Variants in ARHGAP40 observed in about 807,000 individuals in gnomAD.
ARHGAP40 encodes Rho GTPase activating protein 40.
Under a neutral mutation model 73.5 loss-of-function variants are expected in ARHGAP40, and 43 were observed. The ratio of observed to expected loss-of-function variants is 0.58; its 90% CI spans 0.46 to 0.75. The LOEUF is 0.75. Among genes scored for constraint, ARHGAP40 ranks in the 30% least tolerant of loss-of-function variants. The pLI is 0.00. For missense variants in ARHGAP40, 734 were observed against 861.8 expected (o/e 0.85, Z 1.86); for synonymous variants, 300 against 352.8 (o/e 0.85, Z 1.68).
chr20:38,633,626 C>T (rs934651741), intron 5 of ARHGAP40, among the ~76,000 whole-genome samples: 2 of 152,204 alleles, frequency 1.3e-5, no homozygotes, highest in South Asian at 2.1e-4. Context: ...ATGCCGCAAG[C>T]ACTAGGCTGT....
At chr20:38,624,831 A>C (rs773599305) in intron 2 of ARHGAP40, among the ~76,000 whole-genome samples, 5 of 152,196 alleles carry the variant, frequency 3.3e-5, no homozygotes, top group Non-Finnish European at 7.3e-5. Flanking sequence ...TCGTTGCTGC[A>C]GCAATGATCA....
chr20:38,618,796 C>T (rs1256678975), intron 1 of ARHGAP40, among the ~76,000 whole-genome samples: 1 of 152,168 alleles, frequency 6.6e-6, no homozygotes, highest in Non-Finnish European at 1.5e-5. Context: ...GTGGGATCAG[C>T]TTGGTCACTA....
exon 13 of ARHGAP40, chr20:38,647,077 G>C (rs1156870912): frequency 3.1e-6 from 4 of 1,305,216 alleles, no homozygotes; most frequent in Non-Finnish European, 3.0e-6. Flanking sequence ...CCTCAGCCCT[G>C]GTTCCAAGGG....
chr20:38,629,099 C>G, intron 4 of ARHGAP40, 97 bp downstream of exon 4: 1 of 1,009,664 alleles, frequency 9.9e-7, no homozygotes, highest in Non-Finnish European at 1.3e-6. Flanking sequence ...CCCAGCATTT[C>G]CTGCTTCCTG....
At chr20:38,627,312 G>A (rs1235285072) in intron 3 of ARHGAP40, 97 bp downstream of exon 3, 2 of 1,132,790 alleles carry the variant, frequency 1.8e-6, no homozygotes, top group African/African-American at 1.6e-5. Flanking sequence ...GAAGGGCTGT[G>A]TTGGTGTGTG....
intron 5 of ARHGAP40, among the ~76,000 whole-genome samples, chr20:38,632,677 A>T (rs1230470775): frequency 6.6e-6 from 1 of 152,164 alleles, no homozygotes; most frequent in Non-Finnish European, 1.5e-5. Flanking sequence ...TGATGATAAT[A>T]ATTAATCACG....
chr20:38,646,921 T>A lies in ARHGAP40; in HGVS notation c.1711-36T>A. 6 of 1,286,490 alleles carry A rather than the reference T, an allele frequency of 4.7e-6. No homozygotes were observed. In the South Asian group the frequency reaches 7.6e-5, roughly 16 times the overall value. The allele number at this position is 1,286,490 out of a possible 1,614,324, so 79.7% of individuals were successfully genotyped here. On this transcript the variant is annotated intron_variant, in intron 12 of 14. Coordinates refer to ENST00000373345, the Ensembl canonical transcript of ARHGAP40. The surrounding 1 kb of genome is among the most constrained non-coding windows in gnomAD (Gnocchi z 4.5). ...GTTGGAACTCCAGGCAAGCTGACTC[T>A]TATGTATATGGATCTTTCTCTCTCT...
At chr20:38,608,497 T>C (rs1283759034) in intron 1 of ARHGAP40, among the ~76,000 whole-genome samples, 2 of 152,180 alleles carry the variant, frequency 1.3e-5, no homozygotes, top group Admixed American at 6.5e-5. Context: ...GAGTACTTAC[T>C]ATGGGCTGAA....
intron 1 of ARHGAP40, among the ~76,000 whole-genome samples, chr20:38,607,478 G>T (rs1569006515): frequency 6.6e-6 from 1 of 152,132 alleles, no homozygotes; most frequent in Non-Finnish European, 1.5e-5. Flanking sequence ...CAGCAGGAGG[G>T]GCCTCCTCAG....
intron 5 of ARHGAP40, among the ~76,000 whole-genome samples, chr20:38,630,562 C>T (rs1461273504): frequency 1.3e-5 from 2 of 152,078 alleles, no homozygotes; most frequent in Non-Finnish European, 2.9e-5. Flanking sequence ...AGCATAGTTC[C>T]TTCCAAATAG....
At chr20:38,629,634 G>A (rs1428511942) in exon 5 of ARHGAP40, 1 of 1,305,416 alleles carries the variant, frequency 7.7e-7, no homozygotes, top group Admixed American at 2.3e-5. Context: ...TCTGCCTGGG[G>A]CAAGTGTTCC....
chr20:38,627,117 G>A, exon 3 of ARHGAP40: 1 of 1,305,436 alleles, frequency 7.7e-7, no homozygotes, highest in African/African-American at 1.5e-5. Context: ...GGTGGCCGCT[G>A]TGTGCCGCCG....
At chr20:38,602,235 G>T (rs568305170) in intron 1 of ARHGAP40, among the ~76,000 whole-genome samples, 156 bp downstream of exon 1, 120 of 152,356 alleles carry the variant, frequency 7.9e-4, no homozygotes, top group Middle Eastern at 3.4e-3. Flanking sequence ...TGGCTGTCAA[G>T]TGGTGGAGAT....
chr20:38,642,999 G>C (rs1376620218), intron 10 of ARHGAP40, among the ~76,000 whole-genome samples: 1 of 151,952 alleles, frequency 6.6e-6, no homozygotes. Context: ...AAATTAGCTG[G>C]GTGTGATGGT....
In ARHGAP40 at chr20:38,627,361, G is replaced by GGTGTGTGTGTT. The variant is rs1189664344; in HGVS notation, c.558+150_558+151insGTGTGTTGTGT. ...GTGTGTGGGTGTTGGTATGTGTGTT[G>GGTGTGTGTGTT]GTGTCTGTGTGTTGGTGTGTGTGTT... is the stretch of plus-strand genomic sequence containing the variant. On this transcript the variant is annotated intron_variant, in intron 3 of 14. Coordinates refer to ENST00000373345, the Ensembl canonical transcript of ARHGAP40. The GGTGTGTGTGTT allele has an allele frequency of 1.4e-5, 10 of 718,476 alleles. No homozygotes were observed. The African/African-American group carries it at 1.9e-4, about 13-fold the overall frequency. 44.5% of individuals were successfully genotyped at this position (718,476 alleles called of 1,614,324 possible).
chr20:38,604,221 T>C (rs544605918), intron 1 of ARHGAP40, among the ~76,000 whole-genome samples: 94 of 152,348 alleles, frequency 6.2e-4, no homozygotes, highest in African/African-American at 2.2e-3. Context: ...CTTGTGATCT[T>C]TGAGGCAATT....
At chr20:38,628,166 G>C (rs2088914368) in intron 3 of ARHGAP40, among the ~76,000 whole-genome samples, 1 of 152,192 alleles carries the variant, frequency 6.6e-6, no homozygotes, top group Non-Finnish European at 1.5e-5. Flanking sequence ...GAAATGTCTA[G>C]AAAAGGGGCA....
chr20:38,643,038 G>A (rs2089028803), intron 10 of ARHGAP40, among the ~76,000 whole-genome samples: 1 of 152,096 alleles, frequency 6.6e-6, no homozygotes, highest in African/African-American at 2.4e-5. Context: ...CTACTTGGGA[G>A]GCTGAGGTGG....
At chr20:38,649,769 T>G in exon 15 of ARHGAP40, 1 of 1,305,176 alleles carries the variant, frequency 7.7e-7, no homozygotes, top group South Asian at 1.2e-5. Context: ...GAGCATCGCC[T>G]GGACCCAGAT....
Sources: gnomAD v4.1 joint callset for allele counts (sites outside exome capture counted in the v4.1 genomes callset) on GRCh38, gnomAD v4.1.1 for gene constraint, Gnocchi (gnomAD v3.1) non-coding constraint, MANE v1.5 for transcripts, NCBI Gene and HGNC (gene_info 2026-07-23, HGNC 2026-07-21) for gene names.